The following MEIS1 variants were observed in gnomAD, a reference collection of about 807,000 sequenced individuals.
MEIS1 encodes the protein Meis homeobox 1.
MEIS1 carries 5 observed loss-of-function variants against 50.8 expected under a neutral mutation model. The observed-to-expected ratio is 0.10, with a 90% confidence interval of 0.05 to 0.21. The LOEUF is 0.21. Ranked by LOEUF, MEIS1 falls within the 10% of genes least tolerant of loss-of-function variation. MEIS1 has a pLI of 1.00. For missense variants in MEIS1, 318 were observed against 517.3 expected, an observed-to-expected ratio of 0.61 and a Z score of 3.74; for synonymous variants, 176 against 179.3, an observed-to-expected ratio of 0.98 and a Z score of 0.15.
At chr2:66,547,341 C>G (rs987001424) in intron 8 of MEIS1, among the ~76,000 whole-genome samples, 6 of 152,036 alleles carry the variant, frequency 3.9e-5, no homozygotes, top group Non-Finnish European at 8.8e-5. Context: ...GGCCTGTGTT[C>G]AGAATCTCAG....
At chr2:66,437,615 G>T (rs1300860763) in intron 1 of MEIS1, 122 bp from the exon 2 acceptor site, 13 of 796,792 alleles carry the variant, frequency 1.6e-5, no homozygotes, top group African/African-American at 1.5e-4. Flanking sequence ...TAGATGCAAG[G>T]CCACCGAATT....
chr2:66,497,377 AATTG>A (rs1673432363), intron 7 of MEIS1, among the ~76,000 whole-genome samples: 1 of 152,184 alleles, frequency 6.6e-6, no homozygotes, highest in African/African-American at 2.4e-5. Flanking sequence ...TGTGAGAATT[AATTG>A]ATCAAAGATC....
At chr2:66,486,920 G>A (rs1673157529) in intron 7 of MEIS1, among the ~76,000 whole-genome samples, 1 of 152,174 alleles carries the variant, frequency 6.6e-6, no homozygotes, top group African/African-American at 2.4e-5. Context: ...GTATATGAAT[G>A]CTTATGATTT....
intron 7 of MEIS1, among the ~76,000 whole-genome samples, chr2:66,504,350 C>T (rs1380480741): frequency 6.6e-6 from 1 of 152,164 alleles, no homozygotes; most frequent in Non-Finnish European, 1.5e-5. Flanking sequence ...TCTCCTGCCT[C>T]AGCCTCCCGA....
chr2:66,526,995 G>A (rs1454328350), intron 8 of MEIS1, among the ~76,000 whole-genome samples: 1 of 152,030 alleles, frequency 6.6e-6, no homozygotes, highest in Non-Finnish European at 1.5e-5. Flanking sequence ...CAGACACCAC[G>A]AGCACTCAGC....
At chr2:66,475,834 A>G (rs745668727) in intron 7 of MEIS1, among the ~76,000 whole-genome samples, 12 of 152,226 alleles carry the variant, frequency 7.9e-5, no homozygotes, top group Non-Finnish European at 1.6e-4. Flanking sequence ...TGATTGGACT[A>G]GGTATCTGTA....
At chr2:66,478,066 C>T (rs898213389) in intron 7 of MEIS1, among the ~76,000 whole-genome samples, 33 of 152,228 alleles carry the variant, frequency 2.2e-4, no homozygotes, top group African/African-American at 7.7e-4. Context: ...TTCAAAGTAG[C>T]GTACTTCATT....
intron 6 of MEIS1, among the ~76,000 whole-genome samples, chr2:66,449,753 C>G (rs1672236478): frequency 6.6e-6 from 1 of 152,148 alleles, no homozygotes; most frequent in South Asian, 2.1e-4. Flanking sequence ...ATTTACTAGA[C>G]TTTCTTCAAA....
intron 8 of MEIS1, among the ~76,000 whole-genome samples, chr2:66,522,377 C>T (rs1674146005): frequency 6.6e-6 from 1 of 152,202 alleles, no homozygotes; most frequent in Non-Finnish European, 1.5e-5. Context: ...CCCCTTTGCT[C>T]TTAGCCATTT....
At chr2:66,472,914 T>A (rs1314204884) in intron 7 of MEIS1, among the ~76,000 whole-genome samples, 1 of 152,160 alleles carries the variant, frequency 6.6e-6, no homozygotes, top group East Asian at 1.9e-4. Flanking sequence ...TTCAAGGGAA[T>A]CTTGACATTT....
intron 7 of MEIS1, among the ~76,000 whole-genome samples, chr2:66,507,835 A>G (rs1465810606): frequency 6.6e-6 from 1 of 152,108 alleles, no homozygotes; most frequent in East Asian, 1.9e-4. Context: ...TAAATAGGCG[A>G]CTCGGGATGT....
At chr2:66,535,193 C>T (rs951002940) in intron 8 of MEIS1, among the ~76,000 whole-genome samples, 27 of 152,214 alleles carry the variant, frequency 1.8e-4, no homozygotes, top group African/African-American at 6.0e-4. Context: ...TTCCCAGCCA[C>T]GTAACCCTGT....
intron 7 of MEIS1, among the ~76,000 whole-genome samples, chr2:66,502,746 TACAG>T (rs1364209493): frequency 6.6e-6 from 1 of 152,164 alleles, no homozygotes; most frequent in Non-Finnish European, 1.5e-5. Context: ...GGAAAAAAGA[TACAG>T]AAAGGGAGGT....
intron 3 of MEIS1, 171 bp from the exon 4 acceptor site, chr2:66,440,391 T>C: frequency 3.0e-6 from 2 of 659,860 alleles, no homozygotes; most frequent in Non-Finnish European, 5.4e-6. Flanking sequence ...TAATTCACAC[T>C]GAAATGTTTC....
intron 4 of MEIS1, chr2:66,440,858 C>T (rs1270479554): frequency 2.0e-5 from 11 of 562,182 alleles, no homozygotes; most frequent in Non-Finnish European, 3.1e-5. Flanking sequence ...TTATGACAGC[C>T]GGGCTGCGCA....
At position 66,558,246 on chromosome 2, in the gene MEIS1, T is replaced by C. The variant is rs1184770261; in HGVS notation, c.966-9207T>C. Among the ~76,000 whole-genome samples, 43 of 113,318 alleles carry C rather than the reference T, an allele frequency of 3.8e-4. 1 individual carries two copies. The Admixed American group carries it at 5.2e-3, about 14-fold the overall frequency. The allele number at this position is 113,318 out of a possible 152,430, so 74.3% of individuals were successfully genotyped here. A position where few individuals can be genotyped will look rare whatever the true frequency, so the allele number is the denominator to read the frequency against. ...GTGAGCCGAGATTGCGCCACTGCAC[T>C]CCAGCATGGGCAACAAGAGTGAAAC... is the stretch of plus-strand genomic sequence containing the variant. On this transcript the variant is annotated intron_variant, in intron 9 of 12. Transcript: ENST00000272369.
Position 66,572,676 on chromosome 2 carries a change from TATA to T in MEIS1, c.*1473_*1475del, listed in dbSNP as rs1675508486. On this transcript the variant is annotated 3_prime_UTR_variant, in exon 13 of 13. Transcript: ENST00000272369. ...TTTCTGATGGAAACAGTTTGGATTG[TATA>T]ATAACGCCAAGCCCAGTTGTAGTCG... 6.6e-6 allele frequency: 1 copy of T among 152,184 alleles called. No individual in the cohort carries two copies. The highest frequency in any genetic ancestry group is 1.5e-5 in the Non-Finnish European group (1 of 68,034). 9.4% of individuals were successfully genotyped at this position (152,184 alleles called of 1,614,324 possible). A position where few individuals can be genotyped will look rare whatever the true frequency, so the allele number is the denominator to read the frequency against.
At chr2:66,480,145 A>T (rs1341574519) in intron 7 of MEIS1, among the ~76,000 whole-genome samples, 1 of 152,228 alleles carries the variant, frequency 6.6e-6, no homozygotes, top group African/African-American at 2.4e-5. Flanking sequence ...AAGGGTCTAT[A>T]TAATTTGCAA....
At chr2:66,544,296 C>A (rs1674734884) in intron 8 of MEIS1, among the ~76,000 whole-genome samples, 1 of 152,046 alleles carries the variant, frequency 6.6e-6, no homozygotes, top group African/African-American at 2.4e-5. Context: ...ATAACTCATA[C>A]TGTCCACAAA....
Sources: allele counts gnomAD v4.1 joint callset (sites outside exome capture counted in the v4.1 genomes callset), GRCh38; gene constraint gnomAD v4.1.1; transcripts MANE v1.5; gene names NCBI Gene and HGNC (gene_info 2026-07-23, HGNC 2026-07-21).